The following ADGRB3 variants were observed in gnomAD, a reference collection of about 807,000 sequenced individuals.
ADGRB3 encodes the protein brain-specific angiogenesis inhibitor 3.
A neutral mutation model predicts 193.4 loss-of-function variants in ADGRB3; 37 were observed. That is an observed-to-expected ratio of 0.19 (90% confidence interval 0.15 to 0.25). The LOEUF is 0.25. Ranked by LOEUF, ADGRB3 falls within the 10% of genes least tolerant of loss-of-function variation. The pLI, the probability that ADGRB3 is intolerant of heterozygous loss-of-function variation, is 1.00. For missense variants in ADGRB3, 1,637 were observed against 1,852.9 expected, an observed-to-expected ratio of 0.88 and a Z score of 2.14; for synonymous variants, 690 against 644.2, an observed-to-expected ratio of 1.07 and a Z score of -1.08.
chr6:68,839,572 CTCTG>C (rs1256355274), intron 3 of ADGRB3, among the ~76,000 whole-genome samples: 2 of 152,128 alleles, frequency 1.3e-5, no homozygotes, highest in African/African-American at 2.4e-5. Context: ...GCCATGTGGA[CTCTG>C]TCTGTACCTA....
intron 3 of ADGRB3, among the ~76,000 whole-genome samples, chr6:68,783,218 A>C (rs1437698163): frequency 6.6e-6 from 1 of 150,442 alleles, no homozygotes; most frequent in Non-Finnish European, 1.5e-5. Context: ...ACAAGGTTGA[A>C]CAGCCAAGAT....
intron 5 of ADGRB3, among the ~76,000 whole-genome samples, chr6:68,940,547 C>CTTTTTTTTTTTTTTTTTTT: frequency 2.9e-5 from 2 of 69,206 alleles, no homozygotes; most frequent in African/African-American, 5.7e-5. Flanking sequence ...TGCTTTTGAA[C>CTTTTTTTTTTTTTTTTTTT]TTTTTTTTTT....
intron 3 of ADGRB3, among the ~76,000 whole-genome samples, chr6:68,847,033 G>A (rs1297670709): frequency 1.3e-5 from 2 of 152,174 alleles, no homozygotes; most frequent in African/African-American, 2.4e-5. Flanking sequence ...AGCATGACCT[G>A]GATGTGAGAC....
intron 17 of ADGRB3, among the ~76,000 whole-genome samples, chr6:69,202,939 T>C (rs1765459516): frequency 6.6e-6 from 1 of 152,096 alleles, no homozygotes; most frequent in African/African-American, 2.4e-5. Flanking sequence ...TTACATGACC[T>C]TTAACAGTAA....
At chr6:68,770,736 T>G (rs1357618) in intron 3 of ADGRB3, among the ~76,000 whole-genome samples, 120,433 of 151,968 alleles carry the variant, frequency 0.79, 47,955 homozygotes, top group Middle Eastern at 0.92. Context: ...ATTCTAGAAA[T>G]TTGAGGTTTG....
At chr6:68,932,710 C>G (rs1767374522) in intron 4 of ADGRB3, among the ~76,000 whole-genome samples, 1 of 151,390 alleles carries the variant, frequency 6.6e-6, no homozygotes, top group African/African-American at 2.4e-5. Context: ...CTGTATTTGT[C>G]TTTAAGCCAG....
At chr6:68,751,844 G>A (rs544029360) in intron 3 of ADGRB3, among the ~76,000 whole-genome samples, 9 of 152,234 alleles carry the variant, frequency 5.9e-5, no homozygotes, top group African/African-American at 2.2e-4. Context: ...GTTATTTATT[G>A]AGCATAAAAT....
chr6:69,074,670 G>T (rs764534302), intron 16 of ADGRB3, among the ~76,000 whole-genome samples: 23 of 151,404 alleles, frequency 1.5e-4, no homozygotes, highest in Non-Finnish European at 2.8e-4. Context: ...TCAGCCTCCA[G>T]AGTAGCTGGG....
At chr6:68,721,655 T>TATATATATATATATAA (rs1386347336) in intron 3 of ADGRB3, among the ~76,000 whole-genome samples, 2 of 141,348 alleles carry the variant, frequency 1.4e-5, no homozygotes, top group Admixed American at 7.2e-5. Flanking sequence ...TATATATATA[T>TATATATATATATATAA]AAATTATCAT....
chr6:69,103,596 A>G (rs980884256), intron 17 of ADGRB3, among the ~76,000 whole-genome samples: 1 of 151,972 alleles, frequency 6.6e-6, no homozygotes, highest in Non-Finnish European at 1.5e-5. Context: ...TCTATCTTAA[A>G]GTGGCTTCAA....
chr6:68,816,989 C>A (rs1317851928), intron 3 of ADGRB3, among the ~76,000 whole-genome samples: 3 of 151,788 alleles, frequency 2.0e-5, no homozygotes, highest in African/African-American at 7.3e-5. Context: ...TAAGCCAACC[C>A]CCAGGTTTAA....
At chr6:68,839,867 G>A (rs912349155) in intron 3 of ADGRB3, among the ~76,000 whole-genome samples, 1 of 152,094 alleles carries the variant, frequency 6.6e-6, no homozygotes, top group African/African-American at 2.4e-5. Flanking sequence ...CAGCTGCAGT[G>A]GGGCATGGAA....
chr6:69,171,264 A>G (rs189447694), intron 17 of ADGRB3, among the ~76,000 whole-genome samples: 1 of 152,178 alleles, frequency 6.6e-6, no homozygotes, highest in African/African-American at 2.4e-5. Context: ...TGGCCAGCAT[A>G]GTTGTTGAAT....
intron 17 of ADGRB3, among the ~76,000 whole-genome samples, chr6:69,089,314 G>T (rs1404496030): frequency 6.6e-6 from 1 of 152,100 alleles, no homozygotes; most frequent in African/African-American, 2.4e-5. Flanking sequence ...TTTGAACACA[G>T]GCATAATTAT....
At chr6:68,779,583 T>A (rs1380970116) in intron 3 of ADGRB3, among the ~76,000 whole-genome samples, 1 of 152,144 alleles carries the variant, frequency 6.6e-6, no homozygotes, top group Non-Finnish European at 1.5e-5. Flanking sequence ...GTCTTAGTAG[T>A]ATGTCTGCCT....
At chr6:68,855,752 C>T (rs1404972844) in intron 3 of ADGRB3, among the ~76,000 whole-genome samples, 1 of 152,130 alleles carries the variant, frequency 6.6e-6, no homozygotes, top group African/African-American at 2.4e-5. Flanking sequence ...GGGGCACTGA[C>T]TCATGCCTGT....
At chr6:68,668,311 C>T (rs1768850343) in intron 3 of ADGRB3, among the ~76,000 whole-genome samples, 1 of 151,984 alleles carries the variant, frequency 6.6e-6, no homozygotes, top group African/African-American at 2.4e-5. Flanking sequence ...AACTAAATCA[C>T]ATCCGGAACC....
intron 3 of ADGRB3, among the ~76,000 whole-genome samples, chr6:68,825,012 A>G (rs1262352494): frequency 2.6e-5 from 4 of 151,810 alleles, no homozygotes. Flanking sequence ...ATGCCACCAC[A>G]TCCGGCTAAT....
chr6:69,099,906 C>T (rs12527828), intron 17 of ADGRB3, among the ~76,000 whole-genome samples: 9,381 of 152,172 alleles, frequency 0.062, 361 homozygotes, highest in South Asian at 0.11. Context: ...AGTTTTAAGT[C>T]CTTTGTTTCT....
Sources: allele counts gnomAD v4.1 joint callset (sites outside exome capture counted in the v4.1 genomes callset), GRCh38; gene constraint gnomAD v4.1.1; transcripts MANE v1.5; gene names NCBI Gene and HGNC (gene_info 2026-07-23, HGNC 2026-07-21).